Variants in CD5 observed in about 807,000 individuals in gnomAD.
CD5 encodes T-cell surface glycoprotein CD5.
A neutral mutation model predicts 60.3 loss-of-function variants in CD5; 36 were observed. The observed-to-expected ratio is 0.60, with a 90% CI of 0.46 to 0.79. CD5 has a LOEUF of 0.79. CD5 is among the 30% of genes least tolerant of loss of function. CD5 has a pLI of 0.00. For missense variants in CD5, 540 were observed against 630.6 expected (o/e 0.86, Z 1.54); for synonymous variants, 230 against 257.6 (o/e 0.89, Z 1.03).
At chr11:61,116,367 T>C (rs1860944917) in intron 2 of CD5, among the ~76,000 whole-genome samples, 2 of 151,046 alleles carry the variant, frequency 1.3e-5, no homozygotes, top group South Asian at 4.2e-4. Context: ...GAGCTCTTTA[T>C]GCAAATACAC....
chr11:61,103,646 TG>T lies in CD5; in HGVS notation c.55+1037del, dbSNP rs1282977835. On this transcript the variant is annotated intron_variant, in intron 1 of 10. Coordinates refer to ENST00000347785, the MANE Select transcript of CD5 (RefSeq NM_014207.4). ...GTGTGTACGTGTGTGAGAACTGTGT[TG>T]GGGGGTAATGTGTGACTCTGTGTGT... Among the ~76,000 whole-genome samples the T allele has an allele frequency of 4.3e-4, 55 of 127,482 alleles. 1 individual carries two copies. The highest frequency in any genetic ancestry group is 1.3e-3 in the East Asian group (6 of 4,510). 83.6% of individuals were successfully genotyped at this position (127,482 alleles called of 152,430 possible).
chr11:61,118,081 G>A lies in CD5; in HGVS notation c.95-94G>A, dbSNP rs1860990160. On this transcript the variant is annotated intron_variant, in intron 2 of 10. Coordinates refer to ENST00000347785, the MANE Select transcript of CD5 (RefSeq NM_014207.4). The surrounding 1 kb of genome is among the most constrained non-coding windows in gnomAD (Gnocchi z 4.7). ...GGCAGGCAGCCCACGGGGCAGGAGGGAGCTCAACTGGGCGTCCTAGGGAGA... is the reference window on the plus strand; with the variant it reads ...GGCAGGCAGCCCACGGGGCAGGAGGAAGCTCAACTGGGCGTCCTAGGGAGA... 3.0e-6 allele frequency: 4 copies of A among 1,322,624 alleles called. No homozygotes were observed. In the East Asian group the frequency reaches 9.3e-5, roughly 31 times the overall value. The allele number at this position is 1,322,624 out of a possible 1,614,324, so 81.9% of individuals were successfully genotyped here.
At chr11:61,115,667 T>C (rs1387628013) in intron 2 of CD5, among the ~76,000 whole-genome samples, 3 of 152,222 alleles carry the variant, frequency 2.0e-5, no homozygotes, top group Admixed American at 6.5e-5. Flanking sequence ...AAGAAATACA[T>C]GACACTTTTT....
the CD5 span, among the ~76,000 whole-genome samples, chr11:61,094,323 C>T: frequency 6.6e-6 from 1 of 152,142 alleles, no homozygotes; most frequent in African/African-American, 2.4e-5. Context: ...CTTGGTAAGA[C>T]TAGTCCTTGG....
upstream of CD5, among the ~76,000 whole-genome samples, chr11:61,100,995 TCACA>T (rs1248232247): frequency 2.0e-5 from 2 of 98,262 alleles, no homozygotes; most frequent in African/African-American, 8.9e-5. Flanking sequence ...AACATGGAGA[TCACA>T]CACACACATC....
chr11:61,125,600 G>T, intron 9 of CD5, 151 bp from the exon 10 acceptor site: 4 of 554,472 alleles, frequency 7.2e-6, no homozygotes, highest in Non-Finnish European at 1.3e-5. Flanking sequence ...ATTAGTGAAC[G>T]TTTGGCTGAT....
rs1240590362 is a variant in CD5 at position 61,127,432 on chromosome 11, T to C, written c.*1147T>C. On this transcript the variant is annotated 3_prime_UTR_variant, in exon 11 of 11. Coordinates refer to ENST00000347785, the MANE Select transcript of CD5 (RefSeq NM_014207.4). ...TATCTCCTGGGAGCACAGGCATCAA[T>C]GGTCCAAGCCGCATAATAAGTCTGG... The C allele has an allele frequency of 1.3e-5, 2 of 152,230 alleles. No individual in the cohort carries two copies. Among genetic ancestry groups the C allele is most frequent in the Non-Finnish European group, 2.9e-5 (2 of 68,054 alleles). The allele number at this position is 152,230 out of a possible 1,614,324, so 9.4% of individuals were successfully genotyped here.
intron 2 of CD5, among the ~76,000 whole-genome samples, chr11:61,116,640 CACACACCCCA>C (rs1860960614): frequency 1.4e-5 from 2 of 146,880 alleles, no homozygotes; most frequent in African/African-American, 5.1e-5. Flanking sequence ...ACACACACCA[CACACACCCCA>C]CACACACCAC....
At chr11:61,111,443 C>T (rs11820879) in intron 1 of CD5, among the ~76,000 whole-genome samples, 3,060 of 152,242 alleles carry the variant, frequency 0.02, 89 homozygotes, top group African/African-American at 0.059. Context: ...TGAACCATAC[C>T]GTGGGCTAAG....
Position 61,118,123 on chromosome 11 carries a change from C to A in CD5, c.95-52C>A. ...CTAGGGAGAGGGCAGTGAGGGGTGC[C>A]AGTGGGGAACCCCTCCCAGCCTGAC... On this transcript the variant is annotated intron_variant, in intron 2 of 10. Coordinates refer to ENST00000347785, the MANE Select transcript of CD5 (RefSeq NM_014207.4). The surrounding 1 kb of genome is among the most constrained non-coding windows in gnomAD (Gnocchi z 4.7). The A allele has an allele frequency of 6.4e-7, 1 of 1,562,188 alleles. No homozygotes were observed. The highest frequency in any genetic ancestry group is 8.7e-7 in the Non-Finnish European group (1 of 1,144,518).
chr11:61,118,206 GA>G lies in CD5; in HGVS notation c.128del (p.Lys43SerfsTer42). 6.2e-7 allele frequency: 1 copy of G among 1,614,082 alleles called. No homozygotes were observed. Among genetic ancestry groups the G allele is most frequent in the Non-Finnish European group, 8.5e-7 (1 of 1,179,920 alleles). On this transcript the variant is annotated frameshift_variant, in exon 3 of 11. Transcript: ENST00000347785. LOFTEE classifies it high-confidence loss of function. The surrounding 1 kb of genome is among the most constrained non-coding windows in gnomAD (Gnocchi z 4.7). ...AGGCAAGGCTCACCCGTTCCAACTC[GA>G]AGTGCCAGGGCCAGCTGGAGGTCTA... ...FQARLTRSNS[K>X]CQGQLEVYLK... is the part of the protein sequence containing the mutation.
chr11:61,119,005 G>A, intron 4 of CD5, 28 bp downstream of exon 4: 1 of 1,569,572 alleles, frequency 6.4e-7, no homozygotes, highest in Non-Finnish European at 8.7e-7. Flanking sequence ...CCCCCACAGG[G>A]AGTCAGAGCT....
chr11:61,114,160 A>G (rs962506860), intron 1 of CD5, among the ~76,000 whole-genome samples: 2 of 152,110 alleles, frequency 1.3e-5, no homozygotes, highest in African/African-American at 4.8e-5. Context: ...TCACCCAGCT[A>G]GAGTGCTGTG....
Position 61,118,121 on chromosome 11 carries a change from G to GCCAGTGGGGAACCCCTCCCAGCCT in CD5, c.95-53_95-30dup. 1 of 1,545,200 alleles carries GCCAGTGGGGAACCCCTCCCAGCCT rather than the reference G, an allele frequency of 6.5e-7. No homozygotes were observed. Among genetic ancestry groups the GCCAGTGGGGAACCCCTCCCAGCCT allele is most frequent in the Non-Finnish European group, 8.9e-7 (1 of 1,129,852 alleles). On this transcript the variant is annotated intron_variant, in intron 2 of 10. Transcript: ENST00000347785. The surrounding 1 kb of genome is among the most constrained non-coding windows in gnomAD (Gnocchi z 4.7). ...TCCTAGGGAGAGGGCAGTGAGGGGTGCCAGTGGGGAACCCCTCCCAGCCTG... is the reference window on the plus strand; with the variant it reads ...TCCTAGGGAGAGGGCAGTGAGGGGTGCCAGTGGGGAACCCCTCCCAGCCTCCAGTGGGGAACCCCTCCCAGCCTG...
intron 9 of CD5, 22 bp downstream of exon 9, chr11:61,125,173 C>A: frequency 6.2e-7 from 1 of 1,613,454 alleles, no homozygotes; most frequent in South Asian, 1.1e-5. Context: ...CGGGTGCTCC[C>A]AGGCACGCAG....
the CD5 span, among the ~76,000 whole-genome samples, chr11:61,094,750 T>C: frequency 1.3e-5 from 2 of 152,166 alleles, no homozygotes; most frequent in Non-Finnish European, 2.9e-5. Context: ...CTAGGAACTA[T>C]GTTGAAAAAT....
intron 6 of CD5, among the ~76,000 whole-genome samples, chr11:61,122,700 A>G (rs1367524661): frequency 6.6e-6 from 1 of 151,198 alleles, no homozygotes; most frequent in Non-Finnish European, 1.5e-5. Context: ...CAACTGTTAG[A>G]TGACAAATGG....
intron 1 of CD5, among the ~76,000 whole-genome samples, chr11:61,104,920 G>C (rs1422085526): frequency 1.3e-5 from 2 of 152,226 alleles, no homozygotes; most frequent in Non-Finnish European, 2.9e-5. Flanking sequence ...GGCCACCAAA[G>C]GCACTTCCGT....
At position 61,125,744 on chromosome 11, in the gene CD5, T is replaced by G. The variant is rs1861139481; in HGVS notation, c.1400-7T>G. The G allele has an allele frequency of 6.2e-6, 10 of 1,604,078 alleles. No homozygotes were observed. Among genetic ancestry groups the G allele is most frequent in the Non-Finnish European group, 8.5e-6 (10 of 1,173,354 alleles). On this transcript the variant is annotated splice_polypyrimidine_tract_variant and splice_region_variant and intron_variant, in intron 9 of 10. Coordinates refer to ENST00000347785, the MANE Select transcript of CD5 (RefSeq NM_014207.4). ...CCCTCTGCAAACAGCGTCCTTTCTTTCCCCAGCTCTGGAAGGGGCTCTGCA... is the reference window on the plus strand; with the variant it reads ...CCCTCTGCAAACAGCGTCCTTTCTTGCCCCAGCTCTGGAAGGGGCTCTGCA...
Sources: allele counts gnomAD v4.1 joint callset (sites outside exome capture counted in the v4.1 genomes callset), GRCh38; gene constraint gnomAD v4.1.1; non-coding constraint Gnocchi (gnomAD v3.1); transcripts MANE v1.5; gene names NCBI Gene and HGNC (gene_info 2026-07-23, HGNC 2026-07-21).